The following KLC1 variants were observed in gnomAD, a reference collection of about 807,000 sequenced individuals.
KLC1 encodes kinesin light chain 1.
Under a neutral mutation model 84.2 loss-of-function variants are expected in KLC1, and 30 were observed. The observed-to-expected ratio is 0.36, with a 90% confidence interval of 0.27 to 0.48. The LOEUF is 0.48. Ranked by LOEUF, KLC1 falls within the 20% of genes least tolerant of loss-of-function variation. KLC1 has a pLI of 0.99. For missense variants in KLC1, 499 were observed against 805.4 expected (o/e 0.62, Z 4.60); for synonymous variants, 289 against 293.3 (o/e 0.99, Z 0.15).
At chr14:103,687,240 C>G (rs549411445) in intron 14 of KLC1, 29 bp downstream of exon 14, 21 of 1,511,272 alleles carry the variant, frequency 1.4e-5, no homozygotes, top group Non-Finnish European at 1.9e-5. Flanking sequence ...TCTCCCGACT[C>G]CCTGCACGCC....
At chr14:103,630,687 C>A (rs1049488499) in intron 1 of KLC1, among the ~76,000 whole-genome samples, 2 of 152,156 alleles carry the variant, frequency 1.3e-5, no homozygotes, top group African/African-American at 4.8e-5. Context: ...GTCAGCAAGC[C>A]TGTTATGGTG....
intron 11 of KLC1, among the ~76,000 whole-genome samples, chr14:103,677,013 G>A (rs1032092046): frequency 1.3e-5 from 2 of 152,162 alleles, no homozygotes; most frequent in Admixed American, 6.5e-5. Context: ...GAGGGGAGAC[G>A]GCAGCACGTG....
intron 9 of KLC1, 96 bp downstream of exon 9, chr14:103,673,527 T>G (rs1248924440): frequency 1.3e-6 from 1 of 760,670 alleles, no homozygotes; most frequent in Non-Finnish European, 2.1e-6. Context: ...TATTAAGCAC[T>G]TAACTTTGTA....
At chr14:103,699,413 A>G (rs768565346) in intron 15 of KLC1, 2 of 1,612,500 alleles carry the variant, frequency 1.2e-6, no homozygotes, top group Non-Finnish European at 1.7e-6. Flanking sequence ...CAGCTCACGC[A>G]GCGTGGCCCC....
intron 1 of KLC1, among the ~76,000 whole-genome samples, chr14:103,635,141 T>G (rs2076955913): frequency 6.6e-6 from 1 of 152,260 alleles, no homozygotes; most frequent in Non-Finnish European, 1.5e-5. Context: ...GCAAACATGT[T>G]AAGCTGAGTT....
chr14:103,646,629 T>A (rs1011479663), intron 1 of KLC1, among the ~76,000 whole-genome samples: 4 of 152,004 alleles, frequency 2.6e-5, no homozygotes, highest in African/African-American at 7.2e-5. Flanking sequence ...GCCTAGCTAA[T>A]TTTTTTTCTT....
chr14:103,685,555 G>C (rs2081716565), intron 13 of KLC1: 1 of 1,288,856 alleles, frequency 7.8e-7, no homozygotes, highest in Admixed American at 2.3e-5. Flanking sequence ...TAGAAATACT[G>C]TAAGCCAGGC....
intron 13 of KLC1, chr14:103,685,004 G>A (rs1444267774): frequency 5.7e-6 from 7 of 1,226,318 alleles, no homozygotes; most frequent in East Asian, 5.1e-5. Context: ...AATGAAGCTC[G>A]GGCTGGTTAA....
At chr14:103,696,846 C>T in intron 15 of KLC1, 2 of 983,388 alleles carry the variant, frequency 2.0e-6, no homozygotes, top group Non-Finnish European at 2.4e-6. Flanking sequence ...AACTGTGCTC[C>T]CCAGGGCGTG....
In KLC1 at chr14:103,701,334, C is replaced by T. The variant is rs968456162; in HGVS notation, c.*135C>T. The T allele has an allele frequency of 2.1e-5, 20 of 960,330 alleles. 1 individual carries two copies. The Admixed American group carries it at 3.4e-4, about 16-fold the overall frequency. The allele number at this position is 960,330 out of a possible 1,614,324, so 59.5% of individuals were successfully genotyped here. On this transcript the variant is annotated 3_prime_UTR_variant, in exon 17 of 17. Coordinates refer to ENST00000334553, the MANE Select transcript of KLC1 (RefSeq NM_001394837.1). ...CACTCATTTCTCCTGCGTCTGTGTG[C>T]ATAGGACATGATACTAATAACCACA...
intron 1 of KLC1, among the ~76,000 whole-genome samples, chr14:103,649,265 C>G (rs71417873): frequency 6.6e-6 from 1 of 151,980 alleles, no homozygotes; most frequent in Non-Finnish European, 1.5e-5. Flanking sequence ...GACCCCATCT[C>G]TAAAAGAAAG....
chr14:103,683,875 T>C (rs1437677297), intron 13 of KLC1: 1 of 152,240 alleles, frequency 6.6e-6, no homozygotes, highest in African/African-American at 2.4e-5. Flanking sequence ...TGAATTTTTA[T>C]TTTTAAAAAA....
intron 5 of KLC1, among the ~76,000 whole-genome samples, chr14:103,667,089 C>T (rs2079924175): frequency 6.6e-6 from 1 of 150,874 alleles, no homozygotes; most frequent in African/African-American, 2.4e-5. Context: ...TCATTTAATT[C>T]TCATAACACT....
At chr14:103,661,738 G>T (rs1415887351) in intron 3 of KLC1, among the ~76,000 whole-genome samples, 1 of 152,136 alleles carries the variant, frequency 6.6e-6, no homozygotes, top group East Asian at 1.9e-4. Context: ...CTTCTCTGGG[G>T]ATCAGAGATG....
chr14:103,646,901 A>G (rs1250775453), intron 1 of KLC1, among the ~76,000 whole-genome samples: 6 of 152,132 alleles, frequency 3.9e-5, no homozygotes, highest in Non-Finnish European at 8.8e-5. Flanking sequence ...CATCAGCCAC[A>G]GTGTCCAGCA....
chr14:103,697,243 T>A, intron 15 of KLC1: 2 of 442,040 alleles, frequency 4.5e-6, no homozygotes, highest in Non-Finnish European at 6.0e-6. Context: ...TTCTTAACTT[T>A]AGGGTCATAG....
At position 103,686,070 on chromosome 14, in the gene KLC1, T is replaced by C. The variant is rs2081760857; in HGVS notation, c.1651-1011T>C. On this transcript the variant is annotated intron_variant, in intron 13 of 16. Coordinates refer to ENST00000334553, the MANE Select transcript of KLC1 (RefSeq NM_001394837.1). Reference sequence around the variant, plus strand: ...GTACTTAGAGCCCTGGGGGCCCCGCTCGGACTCCGGGTCTCCCTAGGATAT... The same window carrying C: ...GTACTTAGAGCCCTGGGGGCCCCGCCCGGACTCCGGGTCTCCCTAGGATAT... 3 of 1,017,612 alleles carry C rather than the reference T, an allele frequency of 2.9e-6. No individual in the cohort carries two copies. In the South Asian group the frequency reaches 1.1e-4, roughly 39 times the overall value. 63.0% of individuals were successfully genotyped at this position (1,017,612 alleles called of 1,614,324 possible). A position where few individuals can be genotyped will look rare whatever the true frequency, so the allele number is the denominator to read the frequency against.
chr14:103,646,896 G>C (rs1353143161), intron 1 of KLC1, among the ~76,000 whole-genome samples: 1 of 152,110 alleles, frequency 6.6e-6, no homozygotes, highest in Non-Finnish European at 1.5e-5. Context: ...ACACACATCA[G>C]CCACAGTGTC....
rs150430215 is a variant in KLC1 at position 103,646,926 on chromosome 14, A to G, written c.-1-7638A>G. ...AGTGTCCAGCATAAGAACTATTTCT[A>G]TTTTTCATATTACCTCTGCTTGGAT... On this transcript the variant is annotated intron_variant, in intron 1 of 16. Transcript: ENST00000334553. 6.3e-3 allele frequency among the ~76,000 whole-genome samples: 953 copies of G among 152,094 alleles called. 6 individuals carry two copies. Among genetic ancestry groups the G allele is most frequent in the Middle Eastern group, 6.8e-3 (2 of 294 alleles).
Sources: gnomAD v4.1 joint callset for allele counts (sites outside exome capture counted in the v4.1 genomes callset) on GRCh38, gnomAD v4.1.1 for gene constraint, MANE v1.5 for transcripts, NCBI Gene and HGNC (gene_info 2026-07-23, HGNC 2026-07-21) for gene names.